The following LYVE1 variants were observed in gnomAD, a reference collection of about 807,000 sequenced individuals.
The protein encoded by LYVE1 is lymphatic vessel endothelial hyaluronic acid receptor 1.
Under a neutral mutation model 31.5 loss-of-function variants are expected in LYVE1, and 29 were observed. The ratio of observed to expected loss-of-function variants is 0.92; its 90% CI spans 0.69 to 1.26. The LOEUF is 1.26. Among genes scored for constraint, LYVE1 ranks in the 50% most tolerant of loss-of-function variants. LYVE1 has a pLI of 0.00. For missense variants in LYVE1, 376 were observed against 380.2 expected, an observed-to-expected ratio of 0.99 and a Z score of 0.09; for synonymous variants, 134 against 139.4, an observed-to-expected ratio of 0.96 and a Z score of 0.27.
At chr11:10,563,808 C>G in intron 3 of LYVE1, 132 bp downstream of exon 3, 1 of 1,156,926 alleles carries the variant, frequency 8.6e-7, no homozygotes, top group South Asian at 1.4e-5. Context: ...GCCAGAGAGA[C>G]AGTGTCGGGA....
rs1386164144 is a variant in LYVE1, at chr11:10,558,979, G to C, written c.*132C>G. The C allele has an allele frequency of 1.3e-5, 10 of 787,368 alleles. No individual in the cohort carries two copies. The Admixed American group carries it at 2.3e-4, about 18-fold the overall frequency. 48.8% of individuals were successfully genotyped at this position (787,368 alleles called of 1,614,324 possible). ...CTCCATAGTCCAATGGCAGTCCTGAGCTGATTCCAGTTAGGAACCAAGGGT... is the reference window on the plus strand; with the variant it reads ...CTCCATAGTCCAATGGCAGTCCTGACCTGATTCCAGTTAGGAACCAAGGGT... On this transcript the variant is annotated 3_prime_UTR_variant, in exon 6 of 6. Coordinates refer to ENST00000256178, the MANE Select transcript of LYVE1 (RefSeq NM_006691.4).
rs1290599811 is a variant in LYVE1, at chr11:10,568,558, A to G, written c.-26T>C. On this transcript the variant is annotated 5_prime_UTR_variant, in exon 1 of 6. Coordinates refer to ENST00000256178, the MANE Select transcript of LYVE1 (RefSeq NM_006691.4). The stretch of plus-strand genomic sequence containing the variant: ...CGTGCCTACCCCTTCAGAGCCAGGG[A>G]AACACCTCAGATGGCCACTGGTGAT... The G allele has an allele frequency of 6.2e-7, 1 of 1,609,322 alleles. No homozygotes were observed. The highest frequency in any genetic ancestry group is 1.3e-5 in the African/African-American group (1 of 74,926).
chr11:10,568,609 G>A lies in LYVE1; in HGVS notation c.-77C>T, dbSNP rs146020986. On this transcript the variant is annotated 5_prime_UTR_variant, in exon 1 of 6. Coordinates refer to ENST00000256178, the MANE Select transcript of LYVE1 (RefSeq NM_006691.4). ...ATGAGAGGCAGATGCTCAATAACTAGTCCGGATGGAGAGTTCTGGAACTAT... is the reference window on the plus strand; with the variant it reads ...ATGAGAGGCAGATGCTCAATAACTAATCCGGATGGAGAGTTCTGGAACTAT... 1.0e-5 allele frequency: 16 copies of A among 1,534,784 alleles called. No homozygotes were observed. The African/African-American group carries it at 2.1e-4, about 20-fold the overall frequency.
At chr11:10,562,946 C>CTTTTTTTT (rs71034774) in intron 3 of LYVE1, among the ~76,000 whole-genome samples, 20 of 79,454 alleles carry the variant, frequency 2.5e-4, no homozygotes, top group East Asian at 8.6e-4. Flanking sequence ...AACTCGGTTT[C>CTTTTTTTT]TTTTTTTTTT....
chr11:10,568,242 T>TA (rs1349500790), intron 1 of LYVE1, among the ~76,000 whole-genome samples: 1 of 152,180 alleles, frequency 6.6e-6, no homozygotes, highest in Non-Finnish European at 1.5e-5. Flanking sequence ...TAACCAAAAG[T>TA]AAAAGTCCAG....
In LYVE1 at chr11:10,557,219, G is replaced by C. The variant is rs1850334397; in HGVS notation, c.*1892C>G. ...ATGAGTGTGCAACAGAGAGTCATGA[G>C]GACTGTGGTGAAACAAAAAGAGCAG... On this transcript the variant is annotated 3_prime_UTR_variant, in exon 6 of 6. Coordinates refer to ENST00000256178, the MANE Select transcript of LYVE1 (RefSeq NM_006691.4). 1 of 152,146 alleles carries C rather than the reference G, an allele frequency of 6.6e-6. No individual in the cohort carries two copies. The highest frequency in any genetic ancestry group is 2.4e-5 in the African/African-American group (1 of 41,424). The allele number at this position is 152,146 out of a possible 1,614,324, so 9.4% of individuals were successfully genotyped here.
intron 3 of LYVE1, among the ~76,000 whole-genome samples, chr11:10,563,290 A>G (rs1315554855): frequency 2.6e-5 from 4 of 152,142 alleles, no homozygotes; most frequent in African/African-American, 9.7e-5. Context: ...ATGATAAAGC[A>G]TATCTCATAG....
rs537080899 is a variant in LYVE1, at chr11:10,567,274, G to T, written c.85+1174C>A. On this transcript the variant is annotated intron_variant, in intron 1 of 5. Coordinates refer to ENST00000256178, the MANE Select transcript of LYVE1 (RefSeq NM_006691.4). ...TCAACTACTTTATTCTGCAGTCATG[G>T]TTATGCTGACTTTTGGTTGTTTCCA... Among the ~76,000 whole-genome samples, 30 of 152,222 alleles carry T rather than the reference G, an allele frequency of 2.0e-4. 1 individual carries two copies. In the South Asian group the frequency reaches 6.0e-3, roughly 31 times the overall value.
rs1260200569 is a variant in LYVE1 at position 10,568,436 on chromosome 11, T to C, written c.85+12A>G. 6.2e-7 allele frequency: 1 copy of C among 1,613,146 alleles called. No individual in the cohort carries two copies. The highest frequency in any genetic ancestry group is 1.1e-5 in the South Asian group (1 of 91,014). The stretch of plus-strand genomic sequence containing the variant: ...GCCTTGCTTCAGTTTGGAAATCTGG[T>C]GAGAAACCTACCTTCTGCACGCAAA... On this transcript the variant is annotated intron_variant, in intron 1 of 5. Transcript: ENST00000256178.
At chr11:10,566,800 T>G (rs1850553017) in intron 1 of LYVE1, among the ~76,000 whole-genome samples, 1 of 152,230 alleles carries the variant, frequency 6.6e-6, no homozygotes, top group Admixed American at 6.5e-5. Context: ...GGGATGGATA[T>G]ATCTTCTTCA....
In LYVE1 at chr11:10,560,802, T is replaced by A; in HGVS notation, c.398-2A>T. On this transcript the variant is annotated splice_acceptor_variant, in intron 3 of 5. Coordinates refer to ENST00000256178, the MANE Select transcript of LYVE1 (RefSeq NM_006691.4). LOFTEE classifies it high-confidence loss of function. ...GAATGCACGAGTTAGTCCAAGTATC[T>A]GTTGGGATAGGGAAACATGGAATAA... is the stretch of plus-strand genomic sequence containing the variant. 6.2e-7 allele frequency: 1 copy of A among 1,604,560 alleles called. No individual in the cohort carries two copies. The highest frequency in any genetic ancestry group is 8.5e-7 in the Non-Finnish European group (1 of 1,172,980).
chr11:10,567,891 C>T (rs375133188), intron 1 of LYVE1, among the ~76,000 whole-genome samples: 165 of 152,030 alleles, frequency 1.1e-3, no homozygotes, highest in African/African-American at 3.8e-3. Flanking sequence ...GCTAACACTC[C>T]CAAAAAACAT....
chr11:10,561,970 AAAAAT>A (rs1168574659), intron 3 of LYVE1, among the ~76,000 whole-genome samples: 7 of 152,182 alleles, frequency 4.6e-5, no homozygotes, highest in African/African-American at 9.7e-5. Context: ...AAAGTATAAT[AAAAAT>A]AAAATAATAA....
At chr11:10,567,983 C>A (rs995654498) in intron 1 of LYVE1, among the ~76,000 whole-genome samples, 3 of 152,024 alleles carry the variant, frequency 2.0e-5, no homozygotes, top group African/African-American at 7.2e-5. Context: ...TCATGGTTTG[C>A]GTCTTCAATG....
intron 4 of LYVE1, 115 bp downstream of exon 4, chr11:10,560,380 T>C: frequency 2.3e-6 from 2 of 855,192 alleles, no homozygotes; most frequent in Non-Finnish European, 3.5e-6. Flanking sequence ...TGTTAAGCTT[T>C]TATTAGTATT....
At chr11:10,567,193 G>C (rs1385486666) in intron 1 of LYVE1, among the ~76,000 whole-genome samples, 1 of 152,078 alleles carries the variant, frequency 6.6e-6, no homozygotes, top group African/African-American at 2.4e-5. Flanking sequence ...CCTAGCTCTG[G>C]ATCACTATAT....
chr11:10,557,200 G>A lies in LYVE1; in HGVS notation c.*1911C>T, dbSNP rs1850334121. On this transcript the variant is annotated 3_prime_UTR_variant, in exon 6 of 6. Transcript: ENST00000256178. ...AGGGCACCTTTACTTTGGCATGAGT[G>A]TGCAACAGAGAGTCATGAGGACTGT... is the stretch of plus-strand genomic sequence containing the variant. 1 of 152,192 alleles carries A rather than the reference G, an allele frequency of 6.6e-6. No individual in the cohort carries two copies. The highest frequency in any genetic ancestry group is 2.4e-5 in the African/African-American group (1 of 41,426). 9.4% of individuals were successfully genotyped at this position (152,192 alleles called of 1,614,324 possible).
At position 10,559,237 on chromosome 11, in the gene LYVE1, T is replaced by C; in HGVS notation, c.843A>G (p.Lys281=). Residue 281 remains lysine (K), a synonymous_variant, in exon 6 of 6, where the codon AAA becomes AAG. Coordinates refer to ENST00000256178, the MANE Select transcript of LYVE1 (RefSeq NM_006691.4). ...KNQQKEMIET[K]VVKEEKANDS... ...CATTGGCCTTCTCCTCCTTTACTAC[T>C]TTGGTTTCGATCATTTCCTTCTGCT... The C allele has an allele frequency of 6.2e-7, 1 of 1,614,166 alleles. No individual in the cohort carries two copies. Among genetic ancestry groups the C allele is most frequent in the East Asian group, 2.2e-5 (1 of 44,882 alleles).
chr11:10,559,552 A>G (rs60048226), intron 5 of LYVE1, among the ~76,000 whole-genome samples: 2 of 152,232 alleles, frequency 1.3e-5, no homozygotes, highest in Non-Finnish European at 2.9e-5. Flanking sequence ...AAAATCAAAT[A>G]AAGCATATAA....
Sources: allele counts gnomAD v4.1 joint callset (sites outside exome capture counted in the v4.1 genomes callset), GRCh38; gene constraint gnomAD v4.1.1; transcripts MANE v1.5; gene names NCBI Gene and HGNC (gene_info 2026-07-23, HGNC 2026-07-21).